VIPR2: variants seen among roughly 807,000 people sequenced by gnomAD.
VIPR2 encodes the protein vasoactive intestinal peptide receptor 2.
In VIPR2, 48 loss-of-function variants were observed where a neutral mutation model predicts 58.0. The observed-to-expected ratio is 0.83, with a 90% CI of 0.66 to 1.05. VIPR2 has a LOEUF of 1.05. VIPR2 is among the 50% of genes least tolerant of loss of function. The pLI is 0.00. For synonymous variants in VIPR2, 243 were observed against 235.2 expected, an observed-to-expected ratio of 1.03 and a Z score of -0.30; for missense variants, 534 against 558.0, an observed-to-expected ratio of 0.96 and a Z score of 0.43.
chr7:159,118,805 C>T (rs558124251), intron 2 of VIPR2, among the ~76,000 whole-genome samples: 37 of 152,370 alleles, frequency 2.4e-4, no homozygotes, highest in African/African-American at 4.3e-4. Flanking sequence ...TCACTTGGCG[C>T]GGGTGCACAG....
chr7:159,097,187 C>A lies in VIPR2; in HGVS notation c.357+6570G>T, dbSNP rs1246730110. ...TGATCTTTGTCACCAGGGATGGGAG[C>A]CCTGGGGAGTGAAGTTTGCCATCAG... On this transcript the variant is annotated intron_variant, in intron 4 of 12. Transcript: ENST00000262178. The surrounding 1 kb of genome is among the most constrained non-coding windows in gnomAD (Gnocchi z 5.3). 2 of 1,434,784 alleles carry A rather than the reference C, an allele frequency of 1.4e-6. No homozygotes were observed. Among genetic ancestry groups the A allele is most frequent in the Admixed American group, 5.6e-5 (2 of 35,484 alleles). The allele number at this position is 1,434,784 out of a possible 1,614,324, so 88.9% of individuals were successfully genotyped here. A position where few individuals can be genotyped will look rare whatever the true frequency, so the allele number is the denominator to read the frequency against.
rs183778055 is a variant in VIPR2 at position 159,055,089 on chromosome 7, T to C, written c.455+3392A>G. ...ACCCATATGTCCATGAACAGTTGAT[T>C]GGATAAATACATCATATTTTTTTGA... On this transcript the variant is annotated intron_variant, in intron 5 of 12. Coordinates refer to ENST00000262178, the MANE Select transcript of VIPR2 (RefSeq NM_003382.5). 3.7e-3 allele frequency among the ~76,000 whole-genome samples: 563 copies of C among 152,318 alleles called. 3 individuals are homozygous for C. Among genetic ancestry groups the C allele is most frequent in the African/African-American group, 0.013 (526 of 41,570 alleles).
rs140669011 is a variant in VIPR2 at position 159,028,822 on chromosome 7, G to A, written c.*1794C>T. 4.4e-3 allele frequency: 666 copies of A among 152,446 alleles called. 2 individuals carry two copies. Among genetic ancestry groups the A allele is most frequent in the African/African-American group, 0.015 (626 of 41,584 alleles). 9.4% of individuals were successfully genotyped at this position (152,446 alleles called of 1,614,324 possible). ...TATCCGTCTGTGATGGATCCTCTGC[G>A]GCCCCCAGAAATGGTGGGTTGTTCT... On this transcript the variant is annotated 3_prime_UTR_variant, in exon 13 of 13. Coordinates refer to ENST00000262178, the MANE Select transcript of VIPR2 (RefSeq NM_003382.5).
At chr7:159,041,783 A>G (rs2956263) in intron 6 of VIPR2, among the ~76,000 whole-genome samples, 119,973 of 134,916 alleles carry the variant, frequency 0.89, 53,504 homozygotes, top group East Asian at 1. Context: ...AGTGTCTGTC[A>G]AGGGTGACTG....
chr7:159,139,568 A>G (rs1797378677), intron 2 of VIPR2, among the ~76,000 whole-genome samples: 1 of 152,214 alleles, frequency 6.6e-6, no homozygotes, highest in African/African-American at 2.4e-5. Flanking sequence ...AAATTAGTTC[A>G]GCATCCATTG....
intron 4 of VIPR2, among the ~76,000 whole-genome samples, chr7:159,091,316 C>T (rs1465870472): frequency 6.6e-6 from 1 of 152,220 alleles, no homozygotes; most frequent in Non-Finnish European, 1.5e-5. Flanking sequence ...TGCGGCTGCC[C>T]CTTCTGAGCC....
intron 5 of VIPR2, among the ~76,000 whole-genome samples, chr7:159,045,261 A>C (rs922974480): frequency 1.3e-5 from 2 of 152,220 alleles, no homozygotes; most frequent in African/African-American, 4.8e-5. Context: ...ATGATCCTGA[A>C]GTCATGTGGA....
At chr7:159,071,074 C>G (rs1382141241) in intron 4 of VIPR2, among the ~76,000 whole-genome samples, 1 of 152,226 alleles carries the variant, frequency 6.6e-6, no homozygotes, top group East Asian at 1.9e-4. Context: ...AACCGCCAGG[C>G]TACTGTGTTG....
intron 4 of VIPR2, among the ~76,000 whole-genome samples, chr7:159,066,592 C>T (rs1427796963): frequency 6.6e-6 from 1 of 152,242 alleles, no homozygotes; most frequent in African/African-American, 2.4e-5. Context: ...GGCCACTTGG[C>T]CTAGTTGGAC....
intron 5 of VIPR2, 49 bp from the exon 6 acceptor site, chr7:159,043,225 G>T: frequency 4.0e-6 from 4 of 1,001,600 alleles, no homozygotes; most frequent in Middle Eastern, 2.4e-4. Context: ...GAAGGGGAGG[G>T]AGGGAGAGAG....
chr7:159,063,462 C>T (rs1189415773), intron 4 of VIPR2, among the ~76,000 whole-genome samples: 3 of 151,958 alleles, frequency 2.0e-5, no homozygotes, highest in East Asian at 2.0e-4. Flanking sequence ...CACGAACTTG[C>T]GCTGGCCCGC....
chr7:159,080,826 GACAA>G (rs779068192), intron 4 of VIPR2, among the ~76,000 whole-genome samples: 3 of 151,980 alleles, frequency 2.0e-5, no homozygotes, highest in Admixed American at 1.3e-4. Flanking sequence ...ACCAATAACA[GACAA>G]ACAGAGAGCC....
rs992380413 is a variant in VIPR2 at position 159,035,966 on chromosome 7, G to A, written c.795C>T (p.Tyr265=). The part of the protein sequence containing the change: ...CIGAWTAARL[Y]LEDTGCWDTN... ...CATGGACTCACCCGGTGTCTTCTAA[G>A]TAGAGCCTGGCCGCAGTCCATGCAC... The change falls in exon 8 of 13, where the codon TAC becomes TAT. Residue 265 remains tyrosine, a synonymous_variant. Coordinates refer to ENST00000262178, the MANE Select transcript of VIPR2 (RefSeq NM_003382.5). 6.2e-7 allele frequency: 1 copy of A among 1,613,748 alleles called. No individual in the cohort carries two copies. The highest frequency in any genetic ancestry group is 8.5e-7 in the Non-Finnish European group (1 of 1,179,928).
chr7:159,071,154 A>T (rs2129494548), intron 4 of VIPR2, among the ~76,000 whole-genome samples: 1 of 152,354 alleles, frequency 6.6e-6, no homozygotes, highest in Admixed American at 6.5e-5. Flanking sequence ...CTCCTGTAAT[A>T]AGCACCAATG....
chr7:159,107,507 G>A (rs1795800714), intron 3 of VIPR2, among the ~76,000 whole-genome samples: 1 of 152,210 alleles, frequency 6.6e-6, no homozygotes, highest in Non-Finnish European at 1.5e-5. Context: ...AATGTCTGAA[G>A]CACCTAATCC....
Position 159,031,145 on chromosome 7 carries a change from T to C in VIPR2, c.1144-356A>G, listed in dbSNP as rs1038040854. Among the ~76,000 whole-genome samples, 2 of 151,934 alleles carry C rather than the reference T, an allele frequency of 1.3e-5. No individual in the cohort carries two copies. The highest frequency in any genetic ancestry group is 2.9e-5 in the Non-Finnish European group (2 of 67,964). Reference sequence around the variant, plus strand: ...GGTGCTGGGCCTCCGTCTCCTTCCCTGTTCCCAGCGGGCAGGGAATGTTAG... The same window carrying C: ...GGTGCTGGGCCTCCGTCTCCTTCCCCGTTCCCAGCGGGCAGGGAATGTTAG... On this transcript the variant is annotated intron_variant, in intron 12 of 12. Transcript: ENST00000262178. The surrounding 1 kb of genome is among the most constrained non-coding windows in gnomAD (Gnocchi z 4.0).
intron 3 of VIPR2, among the ~76,000 whole-genome samples, chr7:159,104,870 C>T (rs929048038): frequency 6.7e-6 from 1 of 148,152 alleles, no homozygotes; most frequent in Non-Finnish European, 1.5e-5. Flanking sequence ...CCAACGGTGA[C>T]CTGGTGCCTG....
intron 4 of VIPR2, among the ~76,000 whole-genome samples, chr7:159,062,702 G>C (rs78865516): frequency 1.3e-5 from 2 of 151,990 alleles, no homozygotes; most frequent in African/African-American, 4.8e-5. Flanking sequence ...TTATTACAAA[G>C]GGCAAAAGAA....
chr7:159,108,134 C>T (rs1317120439), intron 3 of VIPR2, among the ~76,000 whole-genome samples: 3 of 152,210 alleles, frequency 2.0e-5, no homozygotes, highest in Admixed American at 6.5e-5. Flanking sequence ...ACCATGCAGA[C>T]GCAAGCCTGA....
Sources: allele counts gnomAD v4.1 joint callset (sites outside exome capture counted in the v4.1 genomes callset), GRCh38; gene constraint gnomAD v4.1.1; non-coding constraint Gnocchi (gnomAD v3.1); transcripts MANE v1.5; gene names NCBI Gene and HGNC (gene_info 2026-07-23, HGNC 2026-07-21).